Variants in ABLIM3 observed in about 807,000 individuals in gnomAD.
The protein encoded by ABLIM3 is actin-binding LIM protein 3.
ABLIM3 carries 61 observed loss-of-function variants against 109.5 expected under a neutral mutation model. The ratio of observed to expected loss-of-function variants is 0.56; its 90% CI spans 0.45 to 0.69. ABLIM3 has a LOEUF of 0.69. Among genes scored for constraint, ABLIM3 ranks in the 30% least tolerant of loss-of-function variants. The pLI is 0.00. For synonymous variants in ABLIM3, 300 were observed against 324.8 expected (o/e 0.92, Z 0.82); for missense variants, 796 against 889.5 (o/e 0.89, Z 1.34).
In ABLIM3 at chr5:149,242,730, C is replaced by T. The variant is rs1752978152; in HGVS notation, c.1351+192C>T. 11 of 628,822 alleles carry T rather than the reference C, an allele frequency of 1.7e-5. No individual in the cohort carries two copies. In the South Asian group the frequency reaches 2.1e-4, roughly 12 times the overall value. The allele number at this position is 628,822 out of a possible 1,614,324, so 39.0% of individuals were successfully genotyped here. A position where few individuals can be genotyped will look rare whatever the true frequency, so the allele number is the denominator to read the frequency against. Reference sequence around the variant, plus strand: ...GGTATCATTTCAAAAGAACAAAGTCCTCATGTCCCCTCAGTTCTTTCCCAC... The same window carrying T: ...GGTATCATTTCAAAAGAACAAAGTCTTCATGTCCCCTCAGTTCTTTCCCAC... On this transcript the variant is annotated intron_variant, in intron 15 of 23. Transcript: ENST00000309868.
At chr5:149,251,132 T>G (rs192153753) in intron 20 of ABLIM3, among the ~76,000 whole-genome samples, 2 of 152,174 alleles carry the variant, frequency 1.3e-5, no homozygotes, top group African/African-American at 4.8e-5. Flanking sequence ...AAAGAAAGCA[T>G]GAAGTGAAAT....
At position 149,198,206 on chromosome 5, in the gene ABLIM3, C is replaced by T; in HGVS notation, c.152-13C>T. Reference sequence around the variant, plus strand: ...GACTCAACCTGCCCTTGTTTTCCTCCTTGTTCCCCAAGTATGTGGCTGTGG... The same window carrying T: ...GACTCAACCTGCCCTTGTTTTCCTCTTTGTTCCCCAAGTATGTGGCTGTGG... On this transcript the variant is annotated splice_polypyrimidine_tract_variant and intron_variant, in intron 3 of 23. Coordinates refer to ENST00000309868, the MANE Select transcript of ABLIM3 (RefSeq NM_014945.5). The surrounding 1 kb of genome is among the most constrained non-coding windows in gnomAD (Gnocchi z 4.2). 6.2e-7 allele frequency: 1 copy of T among 1,604,694 alleles called. No homozygotes were observed. Among genetic ancestry groups the T allele is most frequent in the Non-Finnish European group, 8.5e-7 (1 of 1,175,456 alleles).
intron 20 of ABLIM3, 151 bp from the exon 21 acceptor site, chr5:149,251,208 A>G: frequency 1.4e-6 from 1 of 725,308 alleles, no homozygotes; most frequent in Non-Finnish European, 2.4e-6. Context: ...GGGATATAGC[A>G]GCGAGTTAAG....
At chr5:149,151,195 C>T (rs745934261) in intron 2 of ABLIM3, among the ~76,000 whole-genome samples, 1 of 152,158 alleles carries the variant, frequency 6.6e-6, no homozygotes, top group Non-Finnish European at 1.5e-5. Flanking sequence ...TTGGAGATGG[C>T]TGCCTTTCTC....
At position 149,259,612 on chromosome 5, in the gene ABLIM3, G is replaced by A. The variant is rs1026982968; in HGVS notation, c.*1208G>A. On this transcript the variant is annotated 3_prime_UTR_variant, in exon 24 of 24. Transcript: ENST00000309868. Reference sequence around the variant, plus strand: ...GAAGTGTTGGCCAACACCGCTCATGGCCATCCTGGATTTTCCCAGTGGCTT... The same window carrying A: ...GAAGTGTTGGCCAACACCGCTCATGACCATCCTGGATTTTCCCAGTGGCTT... The A allele has an allele frequency of 3.3e-6, 5 of 1,533,248 alleles. No individual in the cohort carries two copies. The African/African-American group carries it at 5.5e-5, about 17-fold the overall frequency. 95.0% of individuals were successfully genotyped at this position (1,533,248 alleles called of 1,614,324 possible).
chr5:149,250,385 C>T, intron 19 of ABLIM3, 62 bp from the exon 20 acceptor site: 1 of 1,563,446 alleles, frequency 6.4e-7, no homozygotes, highest in Non-Finnish European at 8.8e-7. Flanking sequence ...AGCCAGATGA[C>T]CTCAGGGAGA....
At chr5:149,225,394 G>A (rs114461245) in intron 8 of ABLIM3, among the ~76,000 whole-genome samples, 1,567 of 152,238 alleles carry the variant, frequency 0.01, 7 homozygotes, top group Middle Eastern at 0.051. Context: ...AGCTCTTACA[G>A]ATGGAACCAT....
At position 149,186,919 on chromosome 5, in the gene ABLIM3, A is replaced by G. The variant is rs10073697; in HGVS notation, c.151+3330A>G. 8.9e-3 allele frequency among the ~76,000 whole-genome samples: 1,358 copies of G among 152,308 alleles called. 23 individuals are homozygous for G. The highest frequency in any genetic ancestry group is 0.03 in the African/African-American group (1,268 of 41,594). On this transcript the variant is annotated intron_variant, in intron 3 of 23. Transcript: ENST00000309868. ...AAAAGGAAACAAATAAAACTTCTAA[A>G]AATAGAAATATATAATCTTTGAAAT...
At position 149,258,515 on chromosome 5, in the gene ABLIM3, G is replaced by A. The variant is rs1460875698; in HGVS notation, c.*111G>A. 2.8e-6 allele frequency: 4 copies of A among 1,413,154 alleles called. No homozygotes were observed. The East Asian group carries it at 1.1e-4, about 38-fold the overall frequency. The allele number at this position is 1,413,154 out of a possible 1,614,324, so 87.5% of individuals were successfully genotyped here. ...TAATGGGACACACTGCCTGCCATGA[G>A]ACTTGCTTTTCTGTACTGTCAGGCA... On this transcript the variant is annotated 3_prime_UTR_variant, in exon 24 of 24. Transcript: ENST00000309868.
chr5:149,240,009 G>A lies in ABLIM3; in HGVS notation c.1204+121G>A, dbSNP rs78376342. On this transcript the variant is annotated intron_variant, in intron 13 of 23. Transcript: ENST00000309868. ...GATCTCCATCACAGTGTGGCCCTCT[G>A]GAGGCCTATGGCCACCCAGGTGACC... is the stretch of plus-strand genomic sequence containing the variant. 1.3e-3 allele frequency: 1,809 copies of A among 1,378,486 alleles called. 26 individuals carry two copies. The African/African-American group carries it at 0.025, about 19-fold the overall frequency. The allele number at this position is 1,378,486 out of a possible 1,614,324, so 85.4% of individuals were successfully genotyped here. A position where few individuals can be genotyped will look rare whatever the true frequency, so the allele number is the denominator to read the frequency against.
intron 2 of ABLIM3, among the ~76,000 whole-genome samples, chr5:149,180,455 G>A (rs978980846): frequency 2.6e-5 from 4 of 152,144 alleles, no homozygotes; most frequent in African/African-American, 9.7e-5. Context: ...GGCTTCCAGG[G>A]CAGGAGCAGG....
At position 149,145,778 on chromosome 5, in the gene ABLIM3, C is replaced by T. The variant is rs112533946; in HGVS notation, c.13+3670C>T. Among the ~76,000 whole-genome samples, 242 of 145,174 alleles carry T rather than the reference C, an allele frequency of 1.7e-3. 1 individual carries two copies. Among genetic ancestry groups the T allele is most frequent in the African/African-American group, 5.9e-3 (237 of 40,320 alleles). Reference sequence around the variant, plus strand: ...GCATTTTTATTTTTTCATATTTATTCGCCACGTGTATGTCTTTTTTTTTTT... The same window carrying T: ...GCATTTTTATTTTTTCATATTTATTTGCCACGTGTATGTCTTTTTTTTTTT... On this transcript the variant is annotated intron_variant, in intron 2 of 23. Coordinates refer to ENST00000309868, the MANE Select transcript of ABLIM3 (RefSeq NM_014945.5).
intron 15 of ABLIM3, 121 bp from the exon 16 acceptor site, chr5:149,244,760 G>A: frequency 7.9e-7 from 1 of 1,263,674 alleles, no homozygotes; most frequent in Non-Finnish European, 1.1e-6. Flanking sequence ...CTAACAGAGA[G>A]CCCTGATCTT....
At chr5:149,239,197 C>G in intron 11 of ABLIM3, 51 bp from the exon 12 acceptor site, 1 of 1,601,264 alleles carries the variant, frequency 6.2e-7, no homozygotes, top group Admixed American at 1.7e-5. Context: ...TCGTCCTCCT[C>G]TCATTCCTTC....
chr5:149,156,774 G>A (rs1256202639), intron 2 of ABLIM3, among the ~76,000 whole-genome samples: 1 of 152,320 alleles, frequency 6.6e-6, no homozygotes, highest in South Asian at 2.1e-4. Context: ...TTCCTGTAAA[G>A]GGATTTGCAA....
chr5:149,151,373 G>C (rs1187797187), intron 2 of ABLIM3, among the ~76,000 whole-genome samples: 1 of 152,212 alleles, frequency 6.6e-6, no homozygotes, highest in East Asian at 1.9e-4. Flanking sequence ...CTGAGGTACT[G>C]AGGGGTAGGG....
intron 3 of ABLIM3, among the ~76,000 whole-genome samples, chr5:149,184,613 A>G (rs952998007): frequency 6.6e-6 from 1 of 152,214 alleles, no homozygotes; most frequent in African/African-American, 2.4e-5. Context: ...TACTCAGAAC[A>G]GATCACAGTT....
chr5:149,196,801 C>G (rs879479889), intron 3 of ABLIM3, among the ~76,000 whole-genome samples: 10 of 152,218 alleles, frequency 6.6e-5, no homozygotes, highest in Non-Finnish European at 1.0e-4. Context: ...CTCTGCCCAT[C>G]ATGTGTTGAT....
At chr5:149,144,307 G>A (rs1210592389) in intron 2 of ABLIM3, among the ~76,000 whole-genome samples, 1 of 152,110 alleles carries the variant, frequency 6.6e-6, no homozygotes, top group Non-Finnish European at 1.5e-5. Context: ...AGCTTTGAGG[G>A]CTTAACTCCA....
Sources: gnomAD v4.1 joint callset for allele counts (sites outside exome capture counted in the v4.1 genomes callset) on GRCh38, gnomAD v4.1.1 for gene constraint, Gnocchi (gnomAD v3.1) non-coding constraint, MANE v1.5 for transcripts, NCBI Gene and HGNC (gene_info 2026-07-23, HGNC 2026-07-21) for gene names.